Variants in ADAM12 observed in about 807,000 individuals in gnomAD.
ADAM12 encodes ADAM metallopeptidase domain 12.
A neutral mutation model predicts 106.4 loss-of-function variants in ADAM12; 70 were observed. The ratio of observed to expected loss-of-function variants is 0.66; its 90% CI spans 0.54 to 0.80. The LOEUF (loss-of-function observed/expected upper bound fraction) is 0.80. Ranked by LOEUF, ADAM12 falls within the 30% of genes least tolerant of loss-of-function variation. ADAM12 has a pLI of 0.00. For missense variants in ADAM12, 1,010 were observed against 1,171.9 expected, an observed-to-expected ratio of 0.86 and a Z score of 2.02; for synonymous variants, 420 against 433.5, an observed-to-expected ratio of 0.97 and a Z score of 0.39.
chr10:126,179,086 T>C (rs1957269561), intron 3 of ADAM12, among the ~76,000 whole-genome samples: 1 of 151,856 alleles, frequency 6.6e-6, no homozygotes, highest in Non-Finnish European at 1.5e-5. Flanking sequence ...AAAGAAAATA[T>C]CCACTCAAGC....
At chr10:126,344,048 G>T (rs1855044148) in intron 1 of ADAM12, among the ~76,000 whole-genome samples, 1 of 152,130 alleles carries the variant, frequency 6.6e-6, no homozygotes, top group African/African-American at 2.4e-5. Flanking sequence ...TGTCAATTTT[G>T]GCTTTTGTTG....
Position 126,015,240 on chromosome 10 carries a change from C to T in ADAM12, c.*2039G>A. On this transcript the variant is annotated 3_prime_UTR_variant, in exon 23 of 23. Coordinates refer to ENST00000448723, the MANE Select transcript of ADAM12 (RefSeq NM_001288973.2). ...CTCTGAAATAGAAGCATAGGAATTA[C>T]AGCTAAGAACAAACAACAAAAGAAA... The T allele has an allele frequency of 6.6e-6, 1 of 152,154 alleles. No individual in the cohort carries two copies. Among genetic ancestry groups the T allele is most frequent in the East Asian group, 1.9e-4 (1 of 5,192 alleles). The allele number at this position is 152,154 out of a possible 1,614,324, so 9.4% of individuals were successfully genotyped here. A position where few individuals can be genotyped will look rare whatever the true frequency, so the allele number is the denominator to read the frequency against.
intron 1 of ADAM12, among the ~76,000 whole-genome samples, chr10:126,336,034 A>T (rs903994403): frequency 6.6e-6 from 1 of 152,210 alleles, no homozygotes; most frequent in Non-Finnish European, 1.5e-5. Flanking sequence ...AGGACAACTA[A>T]ATGTAATGTA....
At chr10:126,071,909 C>T (rs1590370027) in intron 11 of ADAM12, among the ~76,000 whole-genome samples, 2 of 152,120 alleles carry the variant, frequency 1.3e-5, no homozygotes, top group Non-Finnish European at 2.9e-5. Flanking sequence ...AATGATCTTT[C>T]GATGGTTTTC....
chr10:126,287,328 G>A (rs1375715594), intron 2 of ADAM12, among the ~76,000 whole-genome samples: 3 of 152,086 alleles, frequency 2.0e-5, no homozygotes, highest in African/African-American at 4.8e-5. Context: ...GTTGGAAGAG[G>A]GAAATGAAAA....
chr10:126,283,016 G>T (rs567926460), intron 2 of ADAM12, among the ~76,000 whole-genome samples: 62 of 151,812 alleles, frequency 4.1e-4, no homozygotes, highest in African/African-American at 1.4e-3. Context: ...TTATTTTTCT[G>T]CAACTAGATG....
chr10:126,028,011 A>G (rs908663344), intron 21 of ADAM12, among the ~76,000 whole-genome samples: 1 of 152,190 alleles, frequency 6.6e-6, no homozygotes, highest in African/African-American at 2.4e-5. Flanking sequence ...TATAAAATCA[A>G]TGTGCAAAAA....
intron 16 of ADAM12, among the ~76,000 whole-genome samples, chr10:126,046,569 C>T (rs1196587048): frequency 1.3e-5 from 2 of 151,868 alleles, no homozygotes; most frequent in Non-Finnish European, 2.9e-5. Flanking sequence ...CTTTGGGAGG[C>T]CGAGGCAGGC....
At chr10:126,248,685 G>GTATTTATTTATT (rs141233066) in intron 3 of ADAM12, among the ~76,000 whole-genome samples, 154 of 67,084 alleles carry the variant, frequency 2.3e-3, no homozygotes, top group African/African-American at 6.5e-3. Flanking sequence ...ATGTATGTAT[G>GTATTTATTTATT]TATTTATTTA....
intron 2 of ADAM12, among the ~76,000 whole-genome samples, chr10:126,324,263 A>T (rs938565409): frequency 6.6e-6 from 1 of 152,264 alleles, no homozygotes; most frequent in African/African-American, 2.4e-5. Context: ...GTGCCATTTA[A>T]GAATGAGTGC....
chr10:126,260,044 A>G (rs1225969944), intron 3 of ADAM12, among the ~76,000 whole-genome samples: 1 of 152,208 alleles, frequency 6.6e-6, no homozygotes, highest in Admixed American at 6.5e-5. Flanking sequence ...CTGCAAGGTC[A>G]GCCACCACCT....
intron 14 of ADAM12, among the ~76,000 whole-genome samples, chr10:126,061,632 G>A (rs1447941316): frequency 6.6e-6 from 1 of 152,192 alleles, no homozygotes; most frequent in Non-Finnish European, 1.5e-5. Flanking sequence ...CAGAGAAAGG[G>A]ATGTGACTAC....
At chr10:126,193,038 G>A (rs1296584806) in intron 3 of ADAM12, among the ~76,000 whole-genome samples, 2 of 152,050 alleles carry the variant, frequency 1.3e-5, no homozygotes, top group East Asian at 3.9e-4. Context: ...GACCAAGGTG[G>A]GTGGATCACA....
intron 11 of ADAM12, among the ~76,000 whole-genome samples, chr10:126,072,079 GGTGTT>G (rs1210867764): frequency 6.6e-6 from 1 of 152,058 alleles, no homozygotes; most frequent in Admixed American, 6.6e-5. Flanking sequence ...TACAAATGAC[GGTGTT>G]TATTAATTCC....
At chr10:126,030,436 T>G (rs189094350) in intron 21 of ADAM12, among the ~76,000 whole-genome samples, 1 of 152,354 alleles carries the variant, frequency 6.6e-6, no homozygotes, top group East Asian at 1.9e-4. Flanking sequence ...GGGAGACTGG[T>G]GACAGGTGTG....
chr10:126,141,217 C>T (rs1482704343), intron 4 of ADAM12, among the ~76,000 whole-genome samples: 4 of 152,258 alleles, frequency 2.6e-5, no homozygotes, highest in Non-Finnish European at 5.9e-5. Context: ...GCTGTGGCCA[C>T]AACCCTCTGC....
intron 5 of ADAM12, among the ~76,000 whole-genome samples, chr10:126,125,571 C>T (rs889918805): frequency 6.6e-6 from 1 of 151,892 alleles, no homozygotes; most frequent in Non-Finnish European, 1.5e-5. Flanking sequence ...TTAATATTTA[C>T]AGCAATCCTG....
chr10:126,357,102 C>T (rs1234750136), intron 1 of ADAM12, among the ~76,000 whole-genome samples: 1 of 152,172 alleles, frequency 6.6e-6, no homozygotes, highest in Admixed American at 6.5e-5. Context: ...CATCCAGGTC[C>T]TGAAAGCACA....
intron 3 of ADAM12, among the ~76,000 whole-genome samples, chr10:126,253,720 C>T (rs1161710462): frequency 6.6e-6 from 1 of 152,204 alleles, no homozygotes; most frequent in Non-Finnish European, 1.5e-5. Context: ...CTGCTCTCCT[C>T]CTCATACTGT....
Sources: allele counts gnomAD v4.1 joint callset (sites outside exome capture counted in the v4.1 genomes callset), GRCh38; gene constraint gnomAD v4.1.1; transcripts MANE v1.5; gene names NCBI Gene and HGNC (gene_info 2026-07-23, HGNC 2026-07-21).